Variants in PDE6A observed in about 807,000 individuals in gnomAD.
The protein encoded by PDE6A is rod cGMP-specific 3',5'-cyclic phosphodiesterase subunit alpha.
In PDE6A, 84 loss-of-function variants were observed where a neutral mutation model predicts 106.3. The ratio of observed to expected loss-of-function variants is 0.79; its 90% CI spans 0.66 to 0.95. PDE6A has a LOEUF of 0.95. Among genes scored for constraint, PDE6A ranks in the 40% least tolerant of loss-of-function variants. The pLI, the probability that PDE6A is intolerant of heterozygous loss-of-function variation, is 0.00. For missense variants in PDE6A, 1,052 were observed against 1,084.9 expected (o/e 0.97, Z 0.43); for synonymous variants, 394 against 386.6 (o/e 1.02, Z -0.23).
At chr5:149,932,622 C>T (rs1754074461) in intron 3 of PDE6A, 1 of 1,613,066 alleles carries the variant, frequency 6.2e-7, no homozygotes, top group East Asian at 2.2e-5. Context: ...CTGACTAATG[C>T]CTTCAGTATA....
chr5:149,912,665 A>G (rs368361033), intron 6 of PDE6A, among the ~76,000 whole-genome samples: 1 of 152,152 alleles, frequency 6.6e-6, no homozygotes, highest in Non-Finnish European at 1.5e-5. Context: ...CCCACCCACC[A>G]TATCTCCAAC....
chr5:149,893,655 T>C (rs1434159146), intron 13 of PDE6A, among the ~76,000 whole-genome samples: 1 of 152,198 alleles, frequency 6.6e-6, no homozygotes, highest in African/African-American at 2.4e-5. Flanking sequence ...CAGTATGCTA[T>C]GAAGGGACTA....
Position 149,895,204 on chromosome 5 carries a change from C to T in PDE6A, c.1707G>A (p.Gln569=), listed in dbSNP as rs190218524. 9.9e-6 allele frequency: 16 copies of T among 1,613,636 alleles called. No homozygotes were observed. In the East Asian group the frequency reaches 3.6e-4, roughly 36 times the overall value. The change falls in exon 13 of 22, where the codon CAG becomes CAA. Residue 569 remains glutamine (Q), a synonymous_variant. Coordinates refer to ENST00000255266, the MANE Select transcript of PDE6A (RefSeq NM_000440.3). ...HNWRHGFNVG[Q]TMFSLLVTGK... is the part of the protein sequence containing the mutation. ...ATACCACCAGCAGGGAGAACATGGT[C>T]TGCCCCACGTTGAAGCCGTGCCGCC...
intron 5 of PDE6A, among the ~76,000 whole-genome samples, chr5:149,920,834 A>G (rs983513706): frequency 2.0e-5 from 3 of 151,758 alleles, no homozygotes; most frequent in African/African-American, 7.3e-5. Flanking sequence ...CTAGGAAGTC[A>G]AGACCAGCCT....
chr5:149,896,682 G>A (rs756017099), intron 11 of PDE6A, 29 bp downstream of exon 11: 10 of 1,614,014 alleles, frequency 6.2e-6, no homozygotes, highest in East Asian at 2.2e-5. Context: ...GTTATACATC[G>A]GGGCTCGTGC....
intron 17 of PDE6A, among the ~76,000 whole-genome samples, chr5:149,873,887 T>A (rs546819936): frequency 6.6e-6 from 1 of 152,018 alleles, no homozygotes; most frequent in East Asian, 1.9e-4. Context: ...ACTGAAGTAG[T>A]CCTAGCTACT....
At chr5:149,867,008 G>A (rs1407242818) in intron 19 of PDE6A, 1 of 156,074 alleles carries the variant, frequency 6.4e-6, no homozygotes, top group Non-Finnish European at 1.4e-5. Context: ...TTCATGACAG[G>A]ACCTGCTCCT....
Position 149,863,081 on chromosome 5 carries a change from T to C in PDE6A, c.2506+38A>G, listed in dbSNP as rs762732937. On this transcript the variant is annotated intron_variant, in intron 21 of 21. Coordinates refer to ENST00000255266, the MANE Select transcript of PDE6A (RefSeq NM_000440.3). This position sits in a 1 kb window ranked among gnomAD's most constrained non-coding sequence, Gnocchi z 4.7. ...ACGCAGACACTGAGTGCTCAGGGAG[T>C]GGGGTGGTGGGAGTCCCTGCTTCCC... The C allele has an allele frequency of 2.5e-6, 4 of 1,613,276 alleles. No individual in the cohort carries two copies. The highest frequency in any genetic ancestry group is 2.5e-6 in the Non-Finnish European group (3 of 1,179,526).
intron 4 of PDE6A, among the ~76,000 whole-genome samples, chr5:149,923,222 G>T (rs1753771014): frequency 6.6e-6 from 1 of 152,146 alleles, no homozygotes; most frequent in Admixed American, 6.5e-5. Context: ...CCAAGGTCGG[G>T]CACGGTGGCT....
At chr5:149,930,203 A>G (rs573225827) in intron 4 of PDE6A, among the ~76,000 whole-genome samples, 4 of 152,388 alleles carry the variant, frequency 2.6e-5, no homozygotes, top group African/African-American at 9.6e-5. Flanking sequence ...GAATATTCTG[A>G]TGAACTGCCA....
rs765693882 is a variant in PDE6A at position 149,933,971 on chromosome 5, G to C, written c.676C>G (p.His226Asp). ...TCACAGTTGTGCAGGTAACTCAGGT[G>C]GTACACCTTCATGATTAGATTTGCA... ...NFANLIMKVY[H>D]LSYLHNCETR... Residue 226 changes from histidine (H) to aspartate (D), a missense_variant, in exon 3 of 22, where the codon CAC (histidine) becomes GAC (aspartate). His to Asp is a moderately conservative substitution (Grantham distance 81, BLOSUM62 -1). This residue lies in a region of PDE6A where 913 missense variants were observed against 915.2 expected (regional missense o/e 1.00). Coordinates refer to ENST00000255266, the MANE Select transcript of PDE6A (RefSeq NM_000440.3). 22 of 1,613,750 alleles carry C rather than the reference G, an allele frequency of 1.4e-5. No homozygotes were observed. Among genetic ancestry groups the C allele is most frequent in the Non-Finnish European group, 1.8e-5 (21 of 1,179,792 alleles).
intron 1 of PDE6A, among the ~76,000 whole-genome samples, chr5:149,940,398 G>A (rs76031736): frequency 1.9e-3 from 290 of 152,274 alleles, no homozygotes; most frequent in African/African-American, 6.6e-3. Flanking sequence ...AGGAGATGAC[G>A]GGAGCCATGC....
chr5:149,898,327 G>C, intron 10 of PDE6A, 36 bp downstream of exon 10: 1 of 1,603,252 alleles, frequency 6.2e-7, no homozygotes, highest in South Asian at 1.1e-5. Flanking sequence ...GACGCAGTCT[G>C]TATTAGAGTA....
At position 149,914,977 on chromosome 5, in the gene PDE6A, T is replaced by C; in HGVS notation, c.964A>G (p.Ile322Val). The part of the protein sequence containing the change: ...EINFYKVIDY[I>V]LHGKEDIKVI... ...TTGATGTCCTCTTTGCCATGCAGGA[T>C]GTAGTCAATGACCTTGTAAAAGTTA... The change falls in exon 6 of 22, where the codon ATC becomes GTC. Residue 322 changes from isoleucine to valine, a missense_variant. This residue lies in a region of PDE6A where 913 missense variants were observed against 915.2 expected (regional missense o/e 1.00). Transcript: ENST00000255266. 6.2e-7 allele frequency: 1 copy of C among 1,610,356 alleles called. No individual in the cohort carries two copies. The highest frequency in any genetic ancestry group is 8.5e-7 in the Non-Finnish European group (1 of 1,176,916).
chr5:149,886,094 G>T (rs1752285137), intron 14 of PDE6A, among the ~76,000 whole-genome samples, 171 bp downstream of exon 14: 1 of 152,202 alleles, frequency 6.6e-6, no homozygotes, highest in African/African-American at 2.4e-5. Flanking sequence ...ACATCTTTGT[G>T]GTGGTCATTA....
rs1051724240 is a variant in PDE6A, at chr5:149,860,508, T to C, written c.*387A>G. 6.0e-6 allele frequency: 1 copy of C among 165,650 alleles called. No individual in the cohort carries two copies. The highest frequency in any genetic ancestry group is 1.3e-5 in the Non-Finnish European group (1 of 76,774). 10.3% of individuals were successfully genotyped at this position (165,650 alleles called of 1,614,324 possible). On this transcript the variant is annotated 3_prime_UTR_variant, in exon 22 of 22. Transcript: ENST00000255266. ...TAGGCAGTTCTCAAGACTAAAAGAA[T>C]GTTTAAAAGCCACTGGATAAGGTAT...
chr5:149,934,692 G>A lies in PDE6A; in HGVS notation c.501C>T (p.Asp167=). ...EEDEHFCDFV[D]ILTEYKTKNI... Reference sequence around the variant, plus strand: ...TCTTGGTCTTGTACTCTGTGAGGATGTCCACAAAGTCACAGAAATGCTCAT... The same window carrying A: ...TCTTGGTCTTGTACTCTGTGAGGATATCCACAAAGTCACAGAAATGCTCAT... The change falls in exon 2 of 22, where the codon GAC becomes GAT. Residue 167 remains aspartate (D), a synonymous_variant. Coordinates refer to ENST00000255266, the MANE Select transcript of PDE6A (RefSeq NM_000440.3). 2 of 1,614,006 alleles carry A rather than the reference G, an allele frequency of 1.2e-6. No individual in the cohort carries two copies. Among genetic ancestry groups the A allele is most frequent in the Non-Finnish European group, 1.7e-6 (2 of 1,180,012 alleles).
At chr5:149,893,450 C>A (rs1752620730) in intron 13 of PDE6A, among the ~76,000 whole-genome samples, 1 of 152,192 alleles carries the variant, frequency 6.6e-6, no homozygotes, top group Non-Finnish European at 1.5e-5. Flanking sequence ...TCTGACCTTT[C>A]TAATTAATAA....
At chr5:149,867,415 G>A (rs1013126764) in intron 19 of PDE6A, 6 of 481,938 alleles carry the variant, frequency 1.2e-5, no homozygotes, top group African/African-American at 1.2e-4. Flanking sequence ...AACCTCTAGG[G>A]TTGAGTGAGC....
Sources: gnomAD v4.1 joint callset for allele counts (sites outside exome capture counted in the v4.1 genomes callset) on GRCh38, gnomAD v4.1.1 for gene constraint, gnomAD v4.1.1 regional missense constraint, Gnocchi (gnomAD v3.1) non-coding constraint, MANE v1.5 for transcripts, NCBI Gene and HGNC (gene_info 2026-07-23, HGNC 2026-07-21) for gene names.